Variants in KAZN observed in about 807,000 individuals in gnomAD.
KAZN encodes kazrin, periplakin interacting protein, also known as kazrin.
In KAZN, 40 loss-of-function variants were observed where a neutral mutation model predicts 87.4. The ratio of observed to expected loss-of-function variants is 0.46; its 90% CI spans 0.36 to 0.60. The LOEUF is 0.60. Ranked by LOEUF, KAZN falls within the 20% of genes least tolerant of loss-of-function variation. The pLI is 0.00. For missense variants in KAZN, 898 were observed against 1,073.9 expected (o/e 0.84, Z 2.29); for synonymous variants, 466 against 458.3 (o/e 1.02, Z -0.22).
At chr1:15,101,513 A>G (rs1395758421) in intron 10 of KAZN, 30 bp from the exon 11 acceptor site, 2 of 1,480,520 alleles carry the variant, frequency 1.4e-6, no homozygotes, top group Non-Finnish European at 1.8e-6. Flanking sequence ...TTCCCCACCC[A>G]TCCACTCTCT....
Position 15,044,172 on chromosome 1 carries a change from C to G in KAZN, c.726+13C>G, listed in dbSNP as rs1246371434. On this transcript the variant is annotated intron_variant, in intron 4 of 14. Coordinates refer to ENST00000376030, the MANE Select transcript of KAZN (RefSeq NM_201628.3). ...CGAGCTGGCCATGGTGAGAACCCTC[C>G]CCACCCAGGTGGGCCTGGCATCTGC... is the stretch of plus-strand genomic sequence containing the variant. 1 of 1,585,002 alleles carries G rather than the reference C, an allele frequency of 6.3e-7. No homozygotes were observed. Among genetic ancestry groups the G allele is most frequent in the African/African-American group, 1.3e-5 (1 of 74,214 alleles).
chr1:14,030,744 G>C (rs1334246694), intron 1 of KAZN, among the ~76,000 whole-genome samples: 4 of 151,830 alleles, frequency 2.6e-5, no homozygotes, highest in Non-Finnish European at 5.9e-5. Flanking sequence ...TTTATTAGCA[G>C]GGTAAAGAAT....
At chr1:14,380,313 A>C (rs820665) in intron 2 of KAZN, among the ~76,000 whole-genome samples, 86,169 of 152,016 alleles carry the variant, frequency 0.57, 25,798 homozygotes, top group African/African-American at 0.76. Context: ...TACCCAGACA[A>C]AAACAAACAT....
At chr1:15,087,762 G>C (rs998898443) in intron 8 of KAZN, among the ~76,000 whole-genome samples, 3 of 152,200 alleles carry the variant, frequency 2.0e-5, no homozygotes, top group Non-Finnish European at 4.4e-5. Context: ...TGCTGTACTG[G>C]ACAGAGCAGT....
chr1:14,158,902 C>A (rs1411315647), intron 1 of KAZN, among the ~76,000 whole-genome samples: 3 of 152,124 alleles, frequency 2.0e-5, no homozygotes, highest in African/African-American at 7.2e-5. Context: ...TGAAATAATT[C>A]TTGCATTACC....
chr1:14,501,902 T>C (rs1670276013), intron 2 of KAZN, among the ~76,000 whole-genome samples: 1 of 152,212 alleles, frequency 6.6e-6, no homozygotes, highest in Non-Finnish European at 1.5e-5. Context: ...TTATATGCAA[T>C]ATTGAGAATA....
intron 1 of KAZN, among the ~76,000 whole-genome samples, chr1:14,756,102 A>AACAAAGCCCATC (rs1553125565): frequency 2.6e-5 from 4 of 152,112 alleles, no homozygotes; most frequent in Admixed American, 2.6e-4. Flanking sequence ...TGTTCCTCAT[A>AACAAAGCCCATC]ACAAGCCCAT....
chr1:14,482,777 G>C (rs1669150556), intron 2 of KAZN, among the ~76,000 whole-genome samples: 1 of 152,114 alleles, frequency 6.6e-6, no homozygotes, highest in Non-Finnish European at 1.5e-5. Flanking sequence ...GTGCGGGAGA[G>C]TGGGCTTTAC....
At chr1:14,874,297 A>G (rs2101070802) in intron 1 of KAZN, among the ~76,000 whole-genome samples, 1 of 152,340 alleles carries the variant, frequency 6.6e-6, no homozygotes, top group Middle Eastern at 3.4e-3. Flanking sequence ...GTGAGGTAGG[A>G]AGAAACCAGT....
At chr1:14,073,084 C>T (rs1032396003) in intron 1 of KAZN, among the ~76,000 whole-genome samples, 5 of 152,136 alleles carry the variant, frequency 3.3e-5, no homozygotes, top group Non-Finnish European at 7.3e-5. Flanking sequence ...TGGAGAAGAA[C>T]GCACATCTCA....
chr1:14,102,119 T>C (rs1410797710), intron 1 of KAZN, among the ~76,000 whole-genome samples: 2 of 152,140 alleles, frequency 1.3e-5, no homozygotes, highest in African/African-American at 4.8e-5. Context: ...AATAAGTCCC[T>C]TGACTTATTT....
At chr1:14,512,351 T>C (rs1023840457) in intron 2 of KAZN, among the ~76,000 whole-genome samples, 1 of 152,056 alleles carries the variant, frequency 6.6e-6, no homozygotes, top group Non-Finnish European at 1.5e-5. Flanking sequence ...AGGATGTCAT[T>C]GTAGGATGTT....
intron 2 of KAZN, among the ~76,000 whole-genome samples, chr1:14,993,771 A>AG (rs542850182): frequency 8.7e-4 from 132 of 152,198 alleles, no homozygotes; most frequent in African/African-American, 3.0e-3. Flanking sequence ...CTTATGAGAG[A>AG]GGGGTCACAA....
At chr1:14,991,169 A>G (rs1667316562) in intron 2 of KAZN, among the ~76,000 whole-genome samples, 1 of 152,034 alleles carries the variant, frequency 6.6e-6, no homozygotes, top group Non-Finnish European at 1.5e-5. Context: ...CCTGGCCAAA[A>G]TGGCGAAACC....
At chr1:14,845,361 G>A (rs1313655201) in intron 1 of KAZN, among the ~76,000 whole-genome samples, 1 of 147,216 alleles carries the variant, frequency 6.8e-6, no homozygotes, top group African/African-American at 2.6e-5. Flanking sequence ...GGATGGATGA[G>A]TGGATGGATG....
chr1:15,074,583 A>G (rs1183040680), intron 8 of KAZN, among the ~76,000 whole-genome samples: 4 of 152,198 alleles, frequency 2.6e-5, no homozygotes, highest in South Asian at 4.1e-4. Context: ...CTGGAAGTCT[A>G]TAAGACAAGG....
chr1:14,840,576 G>A (rs1226330719), intron 1 of KAZN, among the ~76,000 whole-genome samples: 4 of 152,204 alleles, frequency 2.6e-5, no homozygotes, highest in Admixed American at 6.5e-5. Context: ...GGCGCTTTGG[G>A]CGTGATCTTC....
At chr1:14,061,474 G>A (rs7527437) in intron 1 of KAZN, among the ~76,000 whole-genome samples, 10,346 of 148,736 alleles carry the variant, frequency 0.07, 658 homozygotes, top group African/African-American at 0.17. Flanking sequence ...AAGTAGCTGC[G>A]GCATTGAATA....
At chr1:14,638,894 C>A (rs751225869) in intron 1 of KAZN, among the ~76,000 whole-genome samples, 1 of 152,176 alleles carries the variant, frequency 6.6e-6, no homozygotes, top group East Asian at 1.9e-4. Flanking sequence ...AATCCTCAGC[C>A]GGCAGCCCAT....
Sources: gnomAD v4.1 joint callset for allele counts (sites outside exome capture counted in the v4.1 genomes callset) on GRCh38, gnomAD v4.1.1 for gene constraint, MANE v1.5 for transcripts, NCBI Gene and HGNC (gene_info 2026-07-23, HGNC 2026-07-21) for gene names.